The following BICD1 variants were observed in gnomAD, a reference collection of about 807,000 sequenced individuals.
The protein encoded by BICD1 is BICD cargo adaptor 1, also known as protein bicaudal D homolog 1.
BICD1 carries 35 observed loss-of-function variants against 92.5 expected under a neutral mutation model. The ratio of observed to expected loss-of-function variants is 0.38; its 90% CI spans 0.29 to 0.50. The LOEUF (loss-of-function observed/expected upper bound fraction) is 0.50. Ranked by LOEUF, BICD1 falls within the 20% of genes least tolerant of loss-of-function variation. The pLI is 0.93. For synonymous variants in BICD1, 429 were observed against 465.1 expected, an observed-to-expected ratio of 0.92 and a Z score of 1.00; for missense variants, 950 against 1,189.8, an observed-to-expected ratio of 0.80 and a Z score of 2.97.
rs146471748 is a variant in BICD1 at position 32,302,340 on chromosome 12, C to G, written c.580-3357C>G. 1.4e-3 allele frequency among the ~76,000 whole-genome samples: 213 copies of G among 152,290 alleles called. 1 individual carries two copies. Among genetic ancestry groups the G allele is most frequent in the Admixed American group, 2.7e-3 (42 of 15,294 alleles). On this transcript the variant is annotated intron_variant, in intron 3 of 9. Coordinates refer to ENST00000652176, the MANE Select transcript of BICD1 (RefSeq NM_001714.4). ...TAGGCTCGATGGTCTATGGGCACCC[C>G]TTGTGATCTCTGCTTTAAATCATTT...
Position 32,107,386 on chromosome 12 carries a change from A to T in BICD1, c.55A>T (p.Arg19Trp). 6.2e-7 allele frequency: 1 copy of T among 1,611,466 alleles called. No homozygotes were observed. The highest frequency in any genetic ancestry group is 8.5e-7 in the Non-Finnish European group (1 of 1,179,108). ...TVDHYKTEIE[R>W]LTKELTETTH... is the part of the protein sequence containing the mutation. ...GGACCATTATAAGACTGAGATAGAG[A>T]GGCTAACCAAGGAGCTCACGGAGAC... Residue 19 changes from arginine (R) to tryptophan (W), a missense_variant, in exon 1 of 10, where the codon AGG becomes TGG. Coordinates refer to ENST00000652176, the MANE Select transcript of BICD1 (RefSeq NM_001714.4).
intron 1 of BICD1, among the ~76,000 whole-genome samples, chr12:32,149,019 C>G (rs1943203337): frequency 1.2e-4 from 1 of 8,678 alleles, no homozygotes; most frequent in Admixed American, 1.3e-3. Flanking sequence ...GGCTCTGTCT[C>G]CAAAAAAAAA....
intron 8 of BICD1, 125 bp from the exon 9 acceptor site, chr12:32,367,545 C>A: frequency 2.6e-6 from 2 of 755,696 alleles, no homozygotes; most frequent in Non-Finnish European, 4.1e-6. Context: ...AAAGCTGAAT[C>A]AGGATATTTC....
At chr12:32,151,770 G>A (rs575811101) in intron 1 of BICD1, among the ~76,000 whole-genome samples, 1 of 152,244 alleles carries the variant, frequency 6.6e-6, no homozygotes, top group East Asian at 1.9e-4. Flanking sequence ...AGCAATACCT[G>A]AGTGGAATCT....
intron 1 of BICD1, among the ~76,000 whole-genome samples, chr12:32,127,233 C>G (rs939183131): frequency 1.3e-5 from 2 of 152,126 alleles, no homozygotes; most frequent in African/African-American, 2.4e-5. Flanking sequence ...TCCATGAAGT[C>G]ATAAAAACAT....
intron 1 of BICD1, among the ~76,000 whole-genome samples, chr12:32,184,122 T>G (rs1206051625): frequency 8.5e-5 from 13 of 152,104 alleles, no homozygotes; most frequent in Admixed American, 8.5e-4. Flanking sequence ...AGGCTGAGAA[T>G]TTAGGGCACT....
chr12:32,334,818 A>T, intron 6 of BICD1, 151 bp downstream of exon 6: 1 of 791,002 alleles, frequency 1.3e-6, no homozygotes. Flanking sequence ...ACTCTGACGT[A>T]TCTAAAAGCA....
In BICD1 at chr12:32,308,620, A is replaced by G. The variant is rs568133297; in HGVS notation, c.1005+2498A>G. On this transcript the variant is annotated intron_variant, in intron 4 of 9. Transcript: ENST00000652176. ...CTATTATTTTTGGGCTATTAGCTCA[A>G]GGCCAATCACCCCAAAAGGGACTGA... Among the ~76,000 whole-genome samples the G allele has an allele frequency of 5.8e-4, 89 of 152,350 alleles. 1 individual carries two copies. Among genetic ancestry groups the G allele is most frequent in the African/African-American group, 1.9e-3 (79 of 41,586 alleles).
chr12:32,340,097 T>G, intron 8 of BICD1: 1 of 985,206 alleles, frequency 1.0e-6, no homozygotes, highest in South Asian at 4.7e-5. Context: ...TAGAATTTTT[T>G]TTTTCATTTT....
At chr12:32,325,819 A>G (rs1277814563) in intron 4 of BICD1, among the ~76,000 whole-genome samples, 3 of 152,100 alleles carry the variant, frequency 2.0e-5, no homozygotes, top group African/African-American at 7.2e-5. Context: ...TCACGCCTAT[A>G]ATCTTTGGGA....
At chr12:32,136,723 A>G (rs952026319) in intron 1 of BICD1, among the ~76,000 whole-genome samples, 31 of 152,130 alleles carry the variant, frequency 2.0e-4, no homozygotes, top group Admixed American at 4.6e-4. Context: ...TGCTCAGGGT[A>G]TTGACATGCC....
intron 1 of BICD1, among the ~76,000 whole-genome samples, chr12:32,172,102 G>T (rs539583592): frequency 6.6e-6 from 1 of 152,100 alleles, no homozygotes; most frequent in African/African-American, 2.4e-5. Context: ...CTTCTACTCA[G>T]GACTGGGCAC....
chr12:32,122,021 G>A (rs1201751818), intron 1 of BICD1, among the ~76,000 whole-genome samples: 1 of 152,028 alleles, frequency 6.6e-6, no homozygotes, highest in Non-Finnish European at 1.5e-5. Context: ...TCACAATGTT[G>A]TGCAGGCTCG....
chr12:32,222,363 A>C (rs563066529), intron 2 of BICD1, among the ~76,000 whole-genome samples: 1 of 152,304 alleles, frequency 6.6e-6, no homozygotes, highest in South Asian at 2.1e-4. Flanking sequence ...ACGTGCCTTA[A>C]CTGCTGAATC....
intron 2 of BICD1, among the ~76,000 whole-genome samples, chr12:32,245,985 G>A (rs542239798): frequency 4.2e-4 from 53 of 126,426 alleles, no homozygotes; most frequent in Admixed American, 1.0e-3. Flanking sequence ...AGCCGAGATC[G>A]TGTCACTGCA....
chr12:32,260,066 A>G (rs1946817513), intron 2 of BICD1, among the ~76,000 whole-genome samples: 1 of 152,048 alleles, frequency 6.6e-6, no homozygotes, highest in East Asian at 1.9e-4. Flanking sequence ...CTGGGATTAC[A>G]GGCATGCACC....
intron 1 of BICD1, among the ~76,000 whole-genome samples, chr12:32,144,013 T>C (rs940636460): frequency 7.2e-5 from 11 of 152,228 alleles, no homozygotes; most frequent in Admixed American, 7.2e-4. Context: ...TTGTATAATA[T>C]ATATTCTGGC....
chr12:32,173,490 T>A (rs1268486423), intron 1 of BICD1, among the ~76,000 whole-genome samples: 1 of 152,240 alleles, frequency 6.6e-6, no homozygotes, highest in Non-Finnish European at 1.5e-5. Context: ...TGATGTTCAC[T>A]TATTTCTCAG....
intron 1 of BICD1, among the ~76,000 whole-genome samples, chr12:32,112,106 A>C (rs1941720732): frequency 6.8e-6 from 1 of 146,328 alleles, no homozygotes; most frequent in Non-Finnish European, 1.5e-5. Context: ...TCTTGGGTTC[A>C]AGTGATTCTT....
Sources: allele counts gnomAD v4.1 joint callset (sites outside exome capture counted in the v4.1 genomes callset), GRCh38; gene constraint gnomAD v4.1.1; transcripts MANE v1.5; gene names NCBI Gene and HGNC (gene_info 2026-07-23, HGNC 2026-07-21).